RBM10: variants seen among roughly 807,000 people sequenced by gnomAD.
RBM10 encodes the protein RNA binding motif protein 10.
RBM10 carries 1 observed loss-of-function variant against 84.9 expected under a neutral mutation model. That is an observed-to-expected ratio of 0.01 (90% CI 0.00 to 0.06). The LOEUF (loss-of-function observed/expected upper bound fraction) is 0.06. RBM10 is among the 10% of genes least tolerant of loss of function. RBM10 has a pLI of 1.00. For missense variants in RBM10, 438 were observed against 839.0 expected, an observed-to-expected ratio of 0.52 and a Z score of 5.90; for synonymous variants, 326 against 344.5, an observed-to-expected ratio of 0.95 and a Z score of 0.60.
At chrX:47,183,864 T>C (rs1044478201) in intron 17 of RBM10, among the ~76,000 whole-genome samples, 1 of 108,585 alleles carries the variant, frequency 9.2e-6, no homozygotes, top group Non-Finnish European at 1.9e-5. Context: ...GCCCAGCTAA[T>C]TTTTTTGTAA....
At chrX:47,171,346 A>G (rs1260288386) in intron 4 of RBM10, 88 bp downstream of exon 4, 2 of 1,140,880 alleles carry the variant, frequency 1.8e-6, no homozygotes, top group South Asian at 2.1e-5. Flanking sequence ...CTCACCTGCA[A>G]CCTCAGCGCC....
intron 2 of RBM10, chrX:47,157,156 C>T: frequency 3.9e-6 from 1 of 257,012 alleles, no homozygotes; most frequent in Non-Finnish European, 7.4e-6. Flanking sequence ...TGTCCAGCTC[C>T]ATCAGGACCA....
chrX:47,181,773 G>A lies in RBM10; in HGVS notation c.1600G>A (p.Val534Met), dbSNP rs182619972. The change falls in exon 15 of 24, where the codon GTG (valine) becomes ATG (methionine). Residue 534 changes from valine to methionine, a missense_variant. Around this residue, in one of 8 missense-constraint regions of RBM10, gnomAD observed 97 missense variants for 110.3 expected, o/e 0.88. Transcript: ENST00000377604. ...SQSYTIMSPAVLKSELQSPTH... is the reference protein window; with the variant it reads ...SQSYTIMSPAMLKSELQSPTH... ...GTCGTATACCATCATGTCACCCGCT[G>A]TGCTCAAATCTGAGCTCCAGAGCCC... is the stretch of plus-strand genomic sequence containing the variant. 32 of 1,209,333 alleles carry A rather than the reference G, an allele frequency of 2.6e-5. No individual in the cohort carries two copies. The East Asian group carries it at 9.5e-4, about 36-fold the overall frequency.
chrX:47,170,146 C>A (rs1362978534), intron 3 of RBM10, among the ~76,000 whole-genome samples: 3 of 113,622 alleles, frequency 2.6e-5, no homozygotes, highest in Non-Finnish European at 5.6e-5. Context: ...TCCTGTCCAG[C>A]AGGCTGGGAA....
intron 2 of RBM10, among the ~76,000 whole-genome samples, chrX:47,149,588 G>A (rs1184145856): frequency 9.1e-6 from 1 of 109,592 alleles, no homozygotes; most frequent in East Asian, 2.9e-4. Context: ...TCGAACTCTC[G>A]ACTTCAGGTG....
Position 47,172,389 on chromosome X carries a change from A to G in RBM10, c.433-739A>G, listed in dbSNP as rs782432890. Among the ~76,000 whole-genome samples the G allele has an allele frequency of 2.7e-5, 3 of 111,891 alleles. No individual in the cohort carries two copies. In the South Asian group the frequency reaches 1.1e-3, roughly 41 times the overall value. On this transcript the variant is annotated intron_variant, in intron 4 of 23. Coordinates refer to ENST00000377604, the MANE Select transcript of RBM10 (RefSeq NM_005676.5). ...TGTCTGTTGTTTAACCTGGTGGGGA[A>G]ACTGAGGCCCAGAGACATGAAGACT...
chrX:47,155,574 TA>T, intron 2 of RBM10, among the ~76,000 whole-genome samples: 1 of 105,966 alleles, frequency 9.4e-6, no homozygotes, highest in South Asian at 4.4e-4. Flanking sequence ...CTACTAAAAA[TA>T]CAAAAAAATT....
intron 1 of RBM10, among the ~76,000 whole-genome samples, chrX:47,146,047 C>T (rs1338421312): frequency 9.1e-6 from 1 of 109,795 alleles, no homozygotes; most frequent in Middle Eastern, 4.2e-3. Context: ...TGGGAAGGGG[C>T]ATGCAGGGAA....
At chrX:47,174,963 G>T in intron 5 of RBM10, 56 bp from the exon 6 acceptor site, 1 of 1,064,841 alleles carries the variant, frequency 9.4e-7, no homozygotes, top group South Asian at 1.9e-5. Flanking sequence ...CGGGAACGCC[G>T]TGTGTCCAAA....
At position 47,162,680 on chromosome X, in the gene RBM10, C is replaced by G. The variant is rs782385540; in HGVS notation, c.18-6635C>G. Among the ~76,000 whole-genome samples, 4 of 109,605 alleles carry G rather than the reference C, an allele frequency of 3.6e-5. No homozygotes were observed. The East Asian group carries it at 1.1e-3, about 31-fold the overall frequency. ...CGTGAAGTCAGGAGATCGAGACCAG[C>G]CTGGCCAACATGATGAAACCCCGTC... is the stretch of plus-strand genomic sequence containing the variant. On this transcript the variant is annotated intron_variant, in intron 2 of 23. Coordinates refer to ENST00000377604, the MANE Select transcript of RBM10 (RefSeq NM_005676.5).
chrX:47,183,891 T>C, intron 17 of RBM10, among the ~76,000 whole-genome samples: 1 of 107,234 alleles, frequency 9.3e-6, no homozygotes, highest in Non-Finnish European at 1.9e-5. Flanking sequence ...TAGAGACGGG[T>C]TTTCGCCATG....
Position 47,185,796 on chromosome X carries a change from G to A in RBM10, c.2430+6G>A. On this transcript the variant is annotated splice_donor_region_variant and intron_variant, in intron 21 of 23. Coordinates refer to ENST00000377604, the MANE Select transcript of RBM10 (RefSeq NM_005676.5). ...TAGAGAAGAATGACATGGAGGTGAG[G>A]TGTGACCTGACCCTGGGCTCCCTCC... 1 of 1,210,033 alleles carries A rather than the reference G, an allele frequency of 8.3e-7. No individual in the cohort carries two copies. The highest frequency in any genetic ancestry group is 1.1e-6 in the Non-Finnish European group (1 of 894,532).
At position 47,181,929 on chromosome X, in the gene RBM10, C is replaced by T. The variant is rs781948317; in HGVS notation, c.1694-22C>T. 2.5e-6 allele frequency: 3 copies of T among 1,208,714 alleles called. No homozygotes were observed. In the Admixed American group the frequency reaches 6.6e-5, roughly 27 times the overall value. ...CTTAATAAAGCAGGGAATAGTGTGA[C>T]CCCGTTCCCCTCACCCCCTAGCTGT... is the stretch of plus-strand genomic sequence containing the variant. On this transcript the variant is annotated intron_variant, in intron 15 of 23. Coordinates refer to ENST00000377604, the MANE Select transcript of RBM10 (RefSeq NM_005676.5).
intron 2 of RBM10, among the ~76,000 whole-genome samples, chrX:47,155,589 C>T (rs1160975227): frequency 3.8e-5 from 4 of 106,275 alleles, no homozygotes; most frequent in Middle Eastern, 4.3e-3. Context: ...AAAAATTAGC[C>T]GGCTGTGGTG....
intron 12 of RBM10, 66 bp downstream of exon 12, chrX:47,180,572 C>T: frequency 8.4e-7 from 1 of 1,184,049 alleles, no homozygotes; most frequent in Non-Finnish European, 1.1e-6. Context: ...CCTGCACCCT[C>T]TCTGAAGCAG....
At chrX:47,179,184 G>A (rs782461911) in intron 8 of RBM10, 21 bp downstream of exon 8, 3 of 1,206,655 alleles carry the variant, frequency 2.5e-6, no homozygotes, top group South Asian at 3.6e-5. Context: ...CCTACCTCTC[G>A]TGCTCTCCAG....
intron 6 of RBM10, among the ~76,000 whole-genome samples, 187 bp from the exon 7 acceptor site, chrX:47,176,313 T>C (rs1444283536): frequency 8.9e-6 from 1 of 112,177 alleles, no homozygotes; most frequent in Non-Finnish European, 1.9e-5. Context: ...AGCAAACAGC[T>C]GCGCCCGAGA....
At chrX:47,183,359 A>G (rs1556780696) in intron 17 of RBM10, among the ~76,000 whole-genome samples, 13 of 110,999 alleles carry the variant, frequency 1.2e-4, no homozygotes, top group Non-Finnish European at 2.5e-4. Context: ...CGTCTCTACT[A>G]AAAATACAAA....
intron 5 of RBM10, among the ~76,000 whole-genome samples, chrX:47,173,473 C>A (rs1328099589): frequency 3.6e-5 from 4 of 112,446 alleles, no homozygotes; most frequent in African/African-American, 1.3e-4. Context: ...CTCCCAGGCA[C>A]CTCCTCTCTG....
Sources: allele counts gnomAD v4.1 joint callset (sites outside exome capture counted in the v4.1 genomes callset), GRCh38; gene constraint gnomAD v4.1.1; regional missense constraint gnomAD v4.1.1; transcripts MANE v1.5; gene names NCBI Gene and HGNC (gene_info 2026-07-23, HGNC 2026-07-21).